Variants in HIPK1 observed in about 807,000 individuals in gnomAD.
HIPK1 encodes the protein homeodomain-interacting protein kinase 1.
HIPK1 carries 28 observed loss-of-function variants against 117.1 expected under a neutral mutation model. That is an observed-to-expected ratio of 0.24 (90% CI 0.18 to 0.33). HIPK1 has a LOEUF of 0.33. Ranked by LOEUF, HIPK1 falls within the 10% of genes least tolerant of loss-of-function variation. The probability of loss-of-function intolerance (pLI) is 1.00; values close to 1 mark genes in which losing one functional copy is unlikely to be tolerated. For missense variants in HIPK1, 1,122 were observed against 1,475.1 expected (o/e 0.76, Z 3.92); for synonymous variants, 605 against 562.5 (o/e 1.08, Z -1.07).
At chr1:113,972,206 T>C (rs1672884457) in intron 15 of HIPK1, 1 of 1,051,570 alleles carries the variant, frequency 9.5e-7, no homozygotes, top group Non-Finnish European at 1.3e-6. Context: ...TAGAGAAACG[T>C]CTGGGATTTA....
At chr1:113,959,137 AC>A (rs1671920197) in intron 8 of HIPK1, among the ~76,000 whole-genome samples, 1 of 152,180 alleles carries the variant, frequency 6.6e-6, no homozygotes, top group Non-Finnish European at 1.5e-5. Flanking sequence ...CAGTGTCAGT[AC>A]CCTGTGAGAA....
intron 2 of HIPK1, among the ~76,000 whole-genome samples, chr1:113,944,680 A>T (rs552336916): frequency 1.3e-5 from 2 of 151,024 alleles, no homozygotes; most frequent in East Asian, 3.9e-4. Flanking sequence ...GGGTTTCACC[A>T]TGTTGGCCGG....
At chr1:113,957,332 A>G in intron 7 of HIPK1, 46 bp downstream of exon 7, 1 of 1,488,082 alleles carries the variant, frequency 6.7e-7, no homozygotes, top group Non-Finnish European at 9.3e-7. Flanking sequence ...GTGGGATAGA[A>G]ACTAGTAAGA....
rs149855300 is a variant in HIPK1 at position 113,948,221 on chromosome 1, G to A, written c.1077-4545G>A. Among the ~76,000 whole-genome samples, 33 of 152,162 alleles carry A rather than the reference G, an allele frequency of 2.2e-4. No homozygotes were observed. The East Asian group carries it at 5.0e-3, about 23-fold the overall frequency. On this transcript the variant is annotated intron_variant, in intron 2 of 15. Transcript: ENST00000426820. ...GTTTGGGTAAGTCTAACATTTATAG[G>A]CCCAAATAATACAAAACCCTCAGTG...
chr1:113,942,041 G>GT (rs937139554), intron 2 of HIPK1, among the ~76,000 whole-genome samples: 6 of 151,600 alleles, frequency 4.0e-5, no homozygotes, highest in Non-Finnish European at 8.8e-5. Flanking sequence ...GATTACAGGC[G>GT]TGAGCCACCG....
intron 1 of HIPK1, among the ~76,000 whole-genome samples, chr1:113,940,043 G>C (rs1670547041): frequency 6.6e-6 from 1 of 150,696 alleles, no homozygotes; most frequent in Non-Finnish European, 1.5e-5. Context: ...CAGCTCAGGA[G>C]ATCTTCCTGC....
chr1:113,973,475 T>C lies in HIPK1; in HGVS notation c.3596T>C (p.Leu1199Pro). ...RGSTIYTGYP[L>P]SPTKISQYSY... Reference sequence around the variant, plus strand: ...TCAACAATTTACACTGGATACCCGCTGAGTCCTACCAAGATCAGCCAGTAT... The same window carrying C: ...TCAACAATTTACACTGGATACCCGCCGAGTCCTACCAAGATCAGCCAGTAT... Residue 1199 changes from leucine to proline, a missense_variant, in exon 16 of 16, where the codon CTG (leucine) becomes CCG (proline). This residue lies in a region of HIPK1 where 731 missense variants were observed against 860.4 expected (regional missense o/e 0.85). Coordinates refer to ENST00000426820, the MANE Select transcript of HIPK1 (RefSeq NM_198268.3). The C allele has an allele frequency of 6.2e-7, 1 of 1,609,032 alleles. No individual in the cohort carries two copies. Among genetic ancestry groups the C allele is most frequent in the Non-Finnish European group, 8.5e-7 (1 of 1,176,914 alleles).
intron 1 of HIPK1, among the ~76,000 whole-genome samples, chr1:113,936,645 A>G (rs1670266995): frequency 6.6e-6 from 1 of 152,188 alleles, no homozygotes; most frequent in Non-Finnish European, 1.5e-5. Flanking sequence ...TTGTATCTTT[A>G]GTAGAGATGG....
intron 1 of HIPK1, among the ~76,000 whole-genome samples, chr1:113,935,380 G>A (rs1670188279): frequency 6.6e-6 from 1 of 152,150 alleles, no homozygotes; most frequent in African/African-American, 2.4e-5. Flanking sequence ...TTTTATGGCT[G>A]CATAGTATTC....
chr1:113,954,230 T>C (rs1163401840), intron 3 of HIPK1, among the ~76,000 whole-genome samples: 2 of 152,194 alleles, frequency 1.3e-5, no homozygotes, highest in African/African-American at 2.4e-5. Flanking sequence ...CCCAAAGTAC[T>C]GGGATTACAG....
At chr1:113,930,117 C>A (rs939830694) in intron 1 of HIPK1, among the ~76,000 whole-genome samples, 3 of 152,226 alleles carry the variant, frequency 2.0e-5, no homozygotes, top group Admixed American at 6.5e-5. Flanking sequence ...CGCTCACTGC[C>A]GCTGAGGGGA....
intron 2 of HIPK1, among the ~76,000 whole-genome samples, chr1:113,944,680 A>G (rs552336916): frequency 2.6e-5 from 4 of 151,142 alleles, no homozygotes; most frequent in South Asian, 2.1e-4. Context: ...GGGTTTCACC[A>G]TGTTGGCCGG....
chr1:113,957,214 A>G lies in HIPK1; in HGVS notation c.1683A>G (p.Thr561=), dbSNP rs373874011. ...TVSQIKSPFT[T]HVAPNTSTNL... is the part of the protein sequence containing the mutation. ...GTCAGATCAAGAGTCCCTTCACTAC[A>G]CATGTTGCCCCAAATACAAGCACAA... The change falls in exon 7 of 16, where the codon ACA becomes ACG. Residue 561 remains threonine (T), a synonymous_variant. Coordinates refer to ENST00000426820, the MANE Select transcript of HIPK1 (RefSeq NM_198268.3). 6.2e-7 allele frequency: 1 copy of G among 1,613,770 alleles called. No homozygotes were observed. The highest frequency in any genetic ancestry group is 1.1e-5 in the South Asian group (1 of 91,066).
chr1:113,973,108 C>T lies in HIPK1; in HGVS notation c.3229C>T (p.Leu1077Phe). 6.4e-7 allele frequency: 1 copy of T among 1,555,608 alleles called. No homozygotes were observed. Among genetic ancestry groups the T allele is most frequent in the South Asian group, 1.2e-5 (1 of 81,116 alleles). The change falls in exon 16 of 16, where the codon CTC (leucine) becomes TTC (phenylalanine). Residue 1077 changes from leucine (L) to phenylalanine (F), a missense_variant. Physicochemically the swap from Leu to Phe is conservative, Grantham distance 22 (BLOSUM62 0). Around this residue, in one of 6 missense-constraint regions of HIPK1, gnomAD observed 731 missense variants for 860.4 expected, o/e 0.85. Transcript: ENST00000426820. ...PRRQQAFVAP[L>F]SQAPYTFQHG... ...CAGGCAGCAGGCGTTTGTGGCCCCTCTCTCCCAAGCCCCCTACACCTTCCA... is the reference window on the plus strand; with the variant it reads ...CAGGCAGCAGGCGTTTGTGGCCCCTTTCTCCCAAGCCCCCTACACCTTCCA...
At position 113,937,424 on chromosome 1, in the gene HIPK1, A is replaced by G. The variant is rs149059388; in HGVS notation, c.-2-2958A>G. On this transcript the variant is annotated intron_variant, in intron 1 of 15. Coordinates refer to ENST00000426820, the MANE Select transcript of HIPK1 (RefSeq NM_198268.3). ...ATGGATTGGAGTAGAGACTTCCCCCATGACTCAAGGACCACACAGATAAAA... is the reference window on the plus strand; with the variant it reads ...ATGGATTGGAGTAGAGACTTCCCCCGTGACTCAAGGACCACACAGATAAAA... Among the ~76,000 whole-genome samples, 479 of 152,180 alleles carry G rather than the reference A, an allele frequency of 3.1e-3. 4 individuals carry two copies. The highest frequency in any genetic ancestry group is 0.018 in the East Asian group (91 of 5,178).
At chr1:113,929,643 G>T in intron 1 of HIPK1, 111 bp downstream of exon 1, 1 of 1,028,958 alleles carries the variant, frequency 9.7e-7, no homozygotes, top group Non-Finnish European at 1.3e-6. Context: ...AACGGCGGCT[G>T]CGGAGCAAGG....
chr1:113,945,450 A>G (rs1670930071), intron 2 of HIPK1, among the ~76,000 whole-genome samples: 1 of 152,190 alleles, frequency 6.6e-6, no homozygotes, highest in Admixed American at 6.5e-5. Context: ...TTTTCTGCTA[A>G]GAGTTTTATA....
chr1:113,966,102 G>T (rs977225295), intron 10 of HIPK1, 28 bp from the exon 11 acceptor site: 2 of 1,600,514 alleles, frequency 1.2e-6, no homozygotes, highest in African/African-American at 1.3e-5. Context: ...ATCAAGTCTG[G>T]ATGTTTTTTA....
chr1:113,966,821 ATAG>A (rs748706746), intron 11 of HIPK1, among the ~76,000 whole-genome samples: 25 of 152,038 alleles, frequency 1.6e-4, no homozygotes, highest in Non-Finnish European at 3.5e-4. Context: ...GCGCTATCAA[ATAG>A]TAGTTCTTAT....
Sources: allele counts gnomAD v4.1 joint callset (sites outside exome capture counted in the v4.1 genomes callset), GRCh38; gene constraint gnomAD v4.1.1; regional missense constraint gnomAD v4.1.1; transcripts MANE v1.5; gene names NCBI Gene and HGNC (gene_info 2026-07-23, HGNC 2026-07-21).